CFAP46: variants seen among roughly 807,000 people sequenced by gnomAD.
The protein encoded by CFAP46 is cilia and flagella associated protein 46.
CFAP46 carries 245 observed loss-of-function variants against 325.7 expected under a neutral mutation model. That is an observed-to-expected ratio of 0.75 (90% CI 0.68 to 0.84). The LOEUF (loss-of-function observed/expected upper bound fraction) is 0.84. CFAP46 is among the 40% of genes least tolerant of loss of function. CFAP46 has a pLI of 0.00. For synonymous variants in CFAP46, 1,523 were observed against 1,495.9 expected, an observed-to-expected ratio of 1.02 and a Z score of -0.42; for missense variants, 3,346 against 3,543.0, an observed-to-expected ratio of 0.94 and a Z score of 1.41.
chr10:132,854,638 GCTTT>G (rs1848613295), intron 39 of CFAP46, among the ~76,000 whole-genome samples: 3 of 152,138 alleles, frequency 2.0e-5, no homozygotes, highest in Admixed American at 1.3e-4. Flanking sequence ...TGCCCGGCCA[GCTTT>G]CTGGTTTTTT....
chr10:132,941,810 G>T (rs1850107299), intron 2 of CFAP46, 88 bp from the exon 3 acceptor site: 1 of 1,581,890 alleles, frequency 6.3e-7, no homozygotes, highest in Non-Finnish European at 8.6e-7. Flanking sequence ...TTCAGAACAG[G>T]CCCCCAGCAC....
chr10:132,887,954 CCG>C (rs1849187740), intron 25 of CFAP46, among the ~76,000 whole-genome samples: 1 of 97,234 alleles, frequency 1.0e-5, no homozygotes, highest in Non-Finnish European at 1.9e-5. Context: ...CTCTCTCTCT[CCG>C]CTCCTCTCTC....
chr10:132,846,886 T>A, intron 43 of CFAP46, 46 bp downstream of exon 43: 7 of 1,565,780 alleles, frequency 4.5e-6, no homozygotes, highest in Non-Finnish European at 6.1e-6. Flanking sequence ...GGGTCCTCCC[T>A]CCTCCATGAA....
intron 19 of CFAP46, among the ~76,000 whole-genome samples, chr10:132,911,173 G>A (rs545522834): frequency 1.9e-4 from 29 of 152,304 alleles, no homozygotes; most frequent in African/African-American, 5.5e-4. Flanking sequence ...GTAGGTCCCC[G>A]GAGCCGGCCC....
At chr10:132,822,157 GTGTGC>G (rs1847863041) in intron 50 of CFAP46, among the ~76,000 whole-genome samples, 1 of 144,634 alleles carries the variant, frequency 6.9e-6, no homozygotes, top group African/African-American at 2.6e-5. Context: ...GATGTGTGCT[GTGTGC>G]TGTGTGTGCT....
chr10:132,924,575 AG>A, intron 11 of CFAP46, 120 bp downstream of exon 11: 1 of 986,940 alleles, frequency 1.0e-6, no homozygotes, highest in Non-Finnish European at 1.4e-6. Context: ...TATTGAGTAC[AG>A]GGGGAGTCTG....
chr10:132,919,543 G>A lies in CFAP46; in HGVS notation c.1731-101C>T, dbSNP rs1849689623. The A allele has an allele frequency of 7.0e-7, 1 of 1,425,604 alleles. No individual in the cohort carries two copies. The highest frequency in any genetic ancestry group is 1.4e-5 in the African/African-American group (1 of 69,458). The allele number at this position is 1,425,604 out of a possible 1,614,324, so 88.3% of individuals were successfully genotyped here. ...GGCTGCCTGAGAAAAGGCCACTGTG[G>A]CTCTGCAGTTTCAAGGTGGCAAGGA... On this transcript the variant is annotated intron_variant, in intron 14 of 57. Coordinates refer to ENST00000368586, the MANE Select transcript of CFAP46 (RefSeq NM_001200049.3). This position sits in a 1 kb window ranked among gnomAD's most constrained non-coding sequence, Gnocchi z 9.7.
intron 7 of CFAP46, among the ~76,000 whole-genome samples, chr10:132,936,520 A>G: frequency 7.7e-6 from 1 of 129,088 alleles, no homozygotes; most frequent in Non-Finnish European, 1.6e-5. Flanking sequence ...GCCCCCAAAT[A>G]CACTGTGATC....
chr10:132,931,699 C>T (rs1391762909), intron 8 of CFAP46, among the ~76,000 whole-genome samples: 2 of 133,566 alleles, frequency 1.5e-5, no homozygotes, highest in Non-Finnish European at 3.2e-5. Context: ...CCACACAGAG[C>T]CTGGGCCTCC....
At chr10:132,834,796 G>C in intron 47 of CFAP46, 21 bp from the exon 48 acceptor site, 2 of 1,605,216 alleles carry the variant, frequency 1.2e-6, no homozygotes, top group South Asian at 2.2e-5. Context: ...CCAAAAAAGA[G>C]GCCCCCGTAG....
rs1849670507 is a variant in CFAP46, at chr10:132,918,414, C to A, written c.1965G>T (p.Glu655Asp). The change falls in exon 16 of 58, where the codon GAG becomes GAT. Residue 655 changes from glutamate to aspartate, a missense_variant. Coordinates refer to ENST00000368586, the MANE Select transcript of CFAP46 (RefSeq NM_001200049.3). Reference sequence around the variant, plus strand: ...GCACCTCAGCATGGATGAACCCCACCTCCGCGAACTTCCGCAGCAGGTCGG... The same window carrying A: ...GCACCTCAGCATGGATGAACCCCACATCCGCGAACTTCCGCAGCAGGTCGG... ...VCPDLLRKFA[E>D]VGFIHAEATV... The A allele has an allele frequency of 5.2e-6, 8 of 1,549,094 alleles. No individual in the cohort carries two copies. The highest frequency in any genetic ancestry group is 1.4e-5 in the African/African-American group (1 of 73,060).
At position 132,809,769 on chromosome 10, in the gene CFAP46, G is replaced by T. The variant is rs547554804; in HGVS notation, c.7664+640C>A. 5.8e-4 allele frequency among the ~76,000 whole-genome samples: 89 copies of T among 152,314 alleles called. 1 individual carries two copies. The highest frequency in any genetic ancestry group is 3.4e-3 in the Middle Eastern group (1 of 294). On this transcript the variant is annotated intron_variant, in intron 57 of 57. Transcript: ENST00000368586. ...CTGACTCTGAAGGACGGCTGGGTGGGGTTCCGTCTGTCCGTGTTTGAGAAC... is the reference window on the plus strand; with the variant it reads ...CTGACTCTGAAGGACGGCTGGGTGGTGTTCCGTCTGTCCGTGTTTGAGAAC...
chr10:132,858,054 C>T lies in CFAP46; in HGVS notation c.5376-266G>A, dbSNP rs138045225. 1.5e-3 allele frequency among the ~76,000 whole-genome samples: 221 copies of T among 152,350 alleles called. 6 individuals carry two copies. In the East Asian group the frequency reaches 0.041, roughly 28 times the overall value. On this transcript the variant is annotated intron_variant, in intron 38 of 57. Transcript: ENST00000368586. ...ATTCCACAGCATCAGCTTTACCCAG[C>T]GGGCTGGGTCTGATCAGCTAACTGA...
intron 56 of CFAP46, 70 bp from the exon 57 acceptor site, chr10:132,810,559 G>GC: frequency 7.3e-7 from 1 of 1,378,484 alleles, no homozygotes; most frequent in Non-Finnish European, 1.0e-6. Flanking sequence ...TGCGGGACAG[G>GC]CCCGGGATGC....
intron 8 of CFAP46, among the ~76,000 whole-genome samples, chr10:132,932,049 G>C (rs1025213309): frequency 1.5e-5 from 2 of 135,380 alleles, no homozygotes; most frequent in African/African-American, 5.8e-5. Flanking sequence ...CACAAAGCCT[G>C]GGCCTTCCTG....
intron 17 of CFAP46, among the ~76,000 whole-genome samples, chr10:132,914,999 CCTCA>C (rs1301820241): frequency 6.6e-6 from 1 of 152,274 alleles, no homozygotes; most frequent in East Asian, 1.9e-4. Flanking sequence ...GGCAGTCAGC[CCTCA>C]CTCAGCCGTG....
At position 132,908,623 on chromosome 10, in the gene CFAP46, C is replaced by T; in HGVS notation, c.2769G>A (p.Met923Ile). 1 of 1,535,854 alleles carries T rather than the reference C, an allele frequency of 6.5e-7. No individual in the cohort carries two copies. The highest frequency in any genetic ancestry group is 8.8e-7 in the Non-Finnish European group (1 of 1,138,608). Residue 923 changes from methionine to isoleucine, a missense_variant, in exon 22 of 58, where the codon ATG (methionine) becomes ATA (isoleucine). By Grantham distance (10) the Met-to-Ile change is conservative (BLOSUM62 1). Coordinates refer to ENST00000368586, the MANE Select transcript of CFAP46 (RefSeq NM_001200049.3). ...GGTCCGACCAGTTGCACTCGGAAGCCATTTTCACCAACTTCCGGTGGGTGG... is the reference window on the plus strand; with the variant it reads ...GGTCCGACCAGTTGCACTCGGAAGCTATTTTCACCAACTTCCGGTGGGTGG... ...TVPSLAQLVK[M>I]ASECNWSDPL...
chr10:132,900,942 C>T (rs572231569), intron 22 of CFAP46, among the ~76,000 whole-genome samples: 137 of 152,352 alleles, frequency 9.0e-4, no homozygotes, highest in Non-Finnish European at 1.4e-3. Context: ...GGTGAACACA[C>T]ATTTAGCATT....
chr10:132,920,275 G>GCA, intron 13 of CFAP46, 93 bp from the exon 14 acceptor site: 1 of 1,406,944 alleles, frequency 7.1e-7, no homozygotes, highest in Non-Finnish European at 9.3e-7. Flanking sequence ...CCGGCGCCGG[G>GCA]GTGGCCACCC....
Sources: gnomAD v4.1 joint callset for allele counts (sites outside exome capture counted in the v4.1 genomes callset) on GRCh38, gnomAD v4.1.1 for gene constraint, Gnocchi (gnomAD v3.1) non-coding constraint, MANE v1.5 for transcripts, NCBI Gene and HGNC (gene_info 2026-07-23, HGNC 2026-07-21) for gene names.